SMC5: variants seen among roughly 807,000 people sequenced by gnomAD.
SMC5 encodes structural maintenance of chromosomes protein 5.
Under a neutral mutation model 148.3 loss-of-function variants are expected in SMC5, and 88 were observed. The observed-to-expected ratio is 0.59, with a 90% CI of 0.50 to 0.71. The LOEUF is 0.71. Among genes scored for constraint, SMC5 ranks in the 30% least tolerant of loss-of-function variants. SMC5 has a pLI of 0.00. For synonymous variants in SMC5, 421 were observed against 432.8 expected (o/e 0.97, Z 0.34); for missense variants, 1,142 against 1,298.9 (o/e 0.88, Z 1.86).
chr9:70,263,091 T>C (rs1172725607), intron 1 of SMC5, among the ~76,000 whole-genome samples: 1 of 152,186 alleles, frequency 6.6e-6, no homozygotes, highest in Non-Finnish European at 1.5e-5. Context: ...TTCATCGTTT[T>C]AGTATAACAT....
intron 1 of SMC5, among the ~76,000 whole-genome samples, chr9:70,261,352 G>A (rs966129247): frequency 1.3e-5 from 2 of 152,176 alleles, no homozygotes; most frequent in African/African-American, 4.8e-5. Context: ...AAGACAATAC[G>A]AAGGCAAGAG....
intron 8 of SMC5, among the ~76,000 whole-genome samples, chr9:70,291,210 G>A (rs1254610881): frequency 1.3e-5 from 2 of 152,138 alleles, no homozygotes; most frequent in African/African-American, 2.4e-5. Flanking sequence ...GCTAATGACT[G>A]AATCTGTATT....
At chr9:70,317,787 C>T (rs557712389) in intron 13 of SMC5, among the ~76,000 whole-genome samples, 1 of 152,144 alleles carries the variant, frequency 6.6e-6, no homozygotes, top group East Asian at 1.9e-4. Flanking sequence ...TTCTAAAAAA[C>T]TTTAAAAATA....
chr9:70,301,561 A>G (rs1374778876), intron 10 of SMC5, among the ~76,000 whole-genome samples: 1 of 152,200 alleles, frequency 6.6e-6, no homozygotes, highest in Non-Finnish European at 1.5e-5. Context: ...ATAAATGGTC[A>G]TTTAGTAGTC....
chr9:70,286,104 T>C, intron 7 of SMC5, 96 bp from the exon 8 acceptor site: 1 of 747,362 alleles, frequency 1.3e-6, no homozygotes, highest in Non-Finnish European at 2.4e-6. Flanking sequence ...TAAATTGTTG[T>C]GGGTTAACTC....
Position 70,318,936 on chromosome 9 carries a change from A to G in SMC5, c.2123A>G (p.Glu708Gly). The G allele has an allele frequency of 6.2e-7, 1 of 1,608,742 alleles. No individual in the cohort carries two copies. Among genetic ancestry groups the G allele is most frequent in the Non-Finnish European group, 8.5e-7 (1 of 1,178,316 alleles). Residue 708 changes from glutamate to glycine, a missense_variant, in exon 15 of 25, where the codon GAA (glutamate) becomes GGA (glycine). Coordinates refer to ENST00000361138, the MANE Select transcript of SMC5 (RefSeq NM_015110.4). ...LERKTKKRQL[E>G]QKISSKLGSL... ...AGAAAAACCAAGAAAAGACAACTGG[A>G]ACAAAAAATCAGTTCCAAACTAGGA...
At position 70,328,998 on chromosome 9, in the gene SMC5, C is replaced by T. The variant is rs143605969; in HGVS notation, c.2397+4855C>T. Among the ~76,000 whole-genome samples the T allele has an allele frequency of 7.8e-3, 1,186 of 152,292 alleles. 15 individuals are homozygous for T. The highest frequency in any genetic ancestry group is 0.027 in the African/African-American group (1,107 of 41,554). On this transcript the variant is annotated intron_variant, in intron 17 of 24. Coordinates refer to ENST00000361138, the MANE Select transcript of SMC5 (RefSeq NM_015110.4). Reference sequence around the variant, plus strand: ...AATGGCCTGAGCTATATCTTGGCCCCGTTTAGCCACACCCGGAGTGGCTAG... The same window carrying T: ...AATGGCCTGAGCTATATCTTGGCCCTGTTTAGCCACACCCGGAGTGGCTAG...
At chr9:70,264,466 T>C (rs1241522825) in intron 2 of SMC5, 21 bp downstream of exon 2, 6 of 1,609,714 alleles carry the variant, frequency 3.7e-6, no homozygotes, top group African/African-American at 1.3e-5. Context: ...ATAATTACTT[T>C]TTAAGAAATT....
In SMC5 at chr9:70,353,729, C is replaced by G. The variant is rs1222375159; in HGVS notation, c.*1398C>G. The G allele has an allele frequency of 6.6e-6, 1 of 152,098 alleles. No homozygotes were observed. The highest frequency in any genetic ancestry group is 2.4e-5 in the African/African-American group (1 of 41,408). The allele number at this position is 152,098 out of a possible 1,614,324, so 9.4% of individuals were successfully genotyped here. A position where few individuals can be genotyped will look rare whatever the true frequency, so the allele number is the denominator to read the frequency against. On this transcript the variant is annotated 3_prime_UTR_variant, in exon 25 of 25. Coordinates refer to ENST00000361138, the MANE Select transcript of SMC5 (RefSeq NM_015110.4). ...TTATAAACATTTTAAAAGAGCCTTC[C>G]CTTCTTAAACTAACTCCAGTGCATG...
intron 4 of SMC5, 105 bp downstream of exon 4, chr9:70,277,577 C>G (rs1049402905): frequency 3.6e-6 from 3 of 840,204 alleles, no homozygotes; most frequent in Admixed American, 6.7e-5. Context: ...TTGAACATAG[C>G]ACTCTTACAG....
rs1334522903 is a variant in SMC5, at chr9:70,344,220, A to C, written c.2474A>C (p.Gln825Pro). 1 of 1,554,064 alleles carries C rather than the reference A, an allele frequency of 6.4e-7. No individual in the cohort carries two copies. Among genetic ancestry groups the C allele is most frequent in the Non-Finnish European group, 8.7e-7 (1 of 1,148,156 alleles). Residue 825 changes from glutamine to proline, a missense_variant, in exon 18 of 25, where the codon CAA becomes CCA. By Grantham distance (76) the Gln-to-Pro change is moderately conservative. Transcript: ENST00000361138. ...KCKELMKRAR[Q>P]VCNLGAEQTL... ...AAGGAACTTATGAAAAGAGCTAGGCAAGTATGTAACCTGGGTGCAGAGCAG... is the reference window on the plus strand; with the variant it reads ...AAGGAACTTATGAAAAGAGCTAGGCCAGTATGTAACCTGGGTGCAGAGCAG...
At chr9:70,333,032 C>T (rs751555727) in intron 17 of SMC5, among the ~76,000 whole-genome samples, 1 of 152,004 alleles carries the variant, frequency 6.6e-6, no homozygotes, top group Admixed American at 6.6e-5. Context: ...AAATGCCTAC[C>T]CTTACCACTT....
chr9:70,291,128 CTAGT>C (rs34044455), intron 8 of SMC5, among the ~76,000 whole-genome samples: 31,979 of 151,888 alleles, frequency 0.21, 3,453 homozygotes, highest in South Asian at 0.28. Flanking sequence ...AGTGACTTTC[CTAGT>C]TCTGTAAAGT....
Position 70,278,530 on chromosome 9 carries a change from C to G in SMC5, c.583C>G (p.Leu195Val). Residue 195 changes from leucine (L) to valine (V), a missense_variant, in exon 5 of 25, where the codon CTC (leucine) becomes GTC (valine). Around this residue, in one of 5 missense-constraint regions of SMC5, gnomAD observed 297 missense variants for 302.6 expected, o/e 0.98. Transcript: ENST00000361138. ...ATTTGCTAAACTCAGCAAAATTGAACTCCTCGAAGCCACTGAAAAGTCAAT... is the reference window on the plus strand; with the variant it reads ...ATTTGCTAAACTCAGCAAAATTGAAGTCCTCGAAGCCACTGAAAAGTCAAT... The part of the protein sequence containing the change: ...GEFAKLSKIE[L>V]LEATEKSIGP... The G allele has an allele frequency of 6.2e-7, 1 of 1,609,470 alleles. No homozygotes were observed.
intron 17 of SMC5, among the ~76,000 whole-genome samples, chr9:70,334,122 T>A (rs2036295698): frequency 6.9e-6 from 1 of 145,688 alleles, no homozygotes; most frequent in Admixed American, 6.7e-5. Flanking sequence ...TATGGTCAGT[T>A]GTTGTTGTTT....
chr9:70,259,574 T>C (rs2034033208), intron 1 of SMC5, among the ~76,000 whole-genome samples: 1 of 152,174 alleles, frequency 6.6e-6, no homozygotes. Context: ...TCGCGATCCA[T>C]AGCGGCCCTG....
intron 17 of SMC5, among the ~76,000 whole-genome samples, chr9:70,335,830 G>A (rs1414568136): frequency 4.6e-5 from 7 of 151,986 alleles, no homozygotes; most frequent in Admixed American, 4.6e-4. Flanking sequence ...AAACTGAAAT[G>A]AGTTACCAAA....
chr9:70,300,221 T>C (rs2035322328), intron 10 of SMC5, 21 bp downstream of exon 10: 6 of 1,568,240 alleles, frequency 3.8e-6, no homozygotes, highest in African/African-American at 1.4e-5. Context: ...TTGTTCATCT[T>C]GGTAGTATTG....
chr9:70,350,576 A>G, intron 24 of SMC5, 105 bp downstream of exon 24: 2 of 659,068 alleles, frequency 3.0e-6, no homozygotes, highest in South Asian at 5.3e-5. Flanking sequence ...AACACTCCCA[A>G]AAAAGGAATT....
Sources: gnomAD v4.1 joint callset for allele counts (sites outside exome capture counted in the v4.1 genomes callset) on GRCh38, gnomAD v4.1.1 for gene constraint, gnomAD v4.1.1 regional missense constraint, MANE v1.5 for transcripts, NCBI Gene and HGNC (gene_info 2026-07-23, HGNC 2026-07-21) for gene names.